Variants in RCOR1 observed in about 807,000 individuals in gnomAD.
RCOR1 encodes REST corepressor 1, also known as REST corepressor.
Under a neutral mutation model 64.0 loss-of-function variants are expected in RCOR1, and 12 were observed. The observed-to-expected ratio is 0.19, with a 90% CI of 0.12 to 0.30. RCOR1 has a LOEUF of 0.30. RCOR1 is among the 10% of genes least tolerant of loss of function. The pLI is 1.00. For missense variants in RCOR1, 502 were observed against 621.2 expected (o/e 0.81, Z 2.04); for synonymous variants, 279 against 227.2 (o/e 1.23, Z -2.05).
At position 102,592,984 on chromosome 14, in the gene RCOR1, C is replaced by G; in HGVS notation, c.98C>G (p.Ala33Gly). 8.7e-7 allele frequency: 1 copy of G among 1,151,912 alleles called. No individual in the cohort carries two copies. Among genetic ancestry groups the G allele is most frequent in the Non-Finnish European group, 1.1e-6 (1 of 938,146 alleles). The allele number at this position is 1,151,912 out of a possible 1,614,324, so 71.4% of individuals were successfully genotyped here. A position where few individuals can be genotyped will look rare whatever the true frequency, so the allele number is the denominator to read the frequency against. ...ASASAAAASA[A>G]ASAACASPAA... ...GCCTCCGCCGCCGCCGCCTCCGCCGCCGCCTCGGCCGCCTGCGCCTCGCCA... is the reference window on the plus strand; with the variant it reads ...GCCTCCGCCGCCGCCGCCTCCGCCGGCGCCTCGGCCGCCTGCGCCTCGCCA... The change falls in exon 1 of 12, where the codon GCC (alanine) becomes GGC (glycine). Residue 33 changes from alanine (A) to glycine (G), a missense_variant. This residue lies in a region of RCOR1 where 242 missense variants were observed against 204.9 expected (regional missense o/e 1.18). Coordinates refer to ENST00000262241, the MANE Select transcript of RCOR1 (RefSeq NM_015156.4).
intron 2 of RCOR1, among the ~76,000 whole-genome samples, chr14:102,600,568 ATTTTT>A (rs750778582): frequency 7.9e-6 from 1 of 127,010 alleles, no homozygotes. Context: ...TGCCCAGCTA[ATTTTT>A]TTTTTTTTTT....
chr14:102,715,000 A>G (rs1896041611), intron 8 of RCOR1, among the ~76,000 whole-genome samples: 1 of 151,954 alleles, frequency 6.6e-6, no homozygotes, highest in Non-Finnish European at 1.5e-5. Context: ...ATTCCATGGA[A>G]TGTTGCATTC....
chr14:102,602,246 T>C (rs2139880987), intron 2 of RCOR1, among the ~76,000 whole-genome samples: 1 of 152,294 alleles, frequency 6.6e-6, no homozygotes, highest in South Asian at 2.1e-4. Flanking sequence ...TGTACTTTTA[T>C]GCTTTCCAAA....
chr14:102,723,010 T>G (rs964691573), intron 11 of RCOR1, among the ~76,000 whole-genome samples: 5 of 152,214 alleles, frequency 3.3e-5, no homozygotes, highest in Non-Finnish European at 5.9e-5. Flanking sequence ...GTCACCTCCC[T>G]GCTTCCTGTG....
At chr14:102,672,049 T>C (rs957010184) in intron 2 of RCOR1, among the ~76,000 whole-genome samples, 1 of 152,254 alleles carries the variant, frequency 6.6e-6, no homozygotes, top group Non-Finnish European at 1.5e-5. Flanking sequence ...CATATAGACA[T>C]ACTGCATTTT....
chr14:102,702,602 T>A (rs1483951459), intron 4 of RCOR1, among the ~76,000 whole-genome samples: 1 of 152,178 alleles, frequency 6.6e-6, no homozygotes, highest in Admixed American at 6.5e-5. Context: ...GCACAGATCC[T>A]AGAACTATGC....
At chr14:102,710,651 A>C (rs1895937731) in intron 6 of RCOR1, 3 of 316,104 alleles carry the variant, frequency 9.5e-6, no homozygotes, top group African/African-American at 6.6e-5. Context: ...TTTTCAGTTT[A>C]CAGATATAGA....
chr14:102,616,884 C>G (rs1893772623), intron 2 of RCOR1, among the ~76,000 whole-genome samples: 2 of 152,154 alleles, frequency 1.3e-5, no homozygotes, highest in South Asian at 2.1e-4. Flanking sequence ...GTCCCTCTCC[C>G]CTCCTTGGAG....
At chr14:102,595,006 G>T (rs1357523571) in intron 2 of RCOR1, among the ~76,000 whole-genome samples, 1 of 152,148 alleles carries the variant, frequency 6.6e-6, no homozygotes, top group African/African-American at 2.4e-5. Flanking sequence ...CTAAGGAAAA[G>T]GGCATATTTG....
At chr14:102,678,431 C>T (rs1218150029) in intron 2 of RCOR1, among the ~76,000 whole-genome samples, 1 of 152,142 alleles carries the variant, frequency 6.6e-6, no homozygotes, top group Non-Finnish European at 1.5e-5. Context: ...TCCTGAGTAG[C>T]TGGGTCTGCA....
Position 102,726,822 on chromosome 14 carries a change from C to A in RCOR1, c.*316C>A. 1 of 346,306 alleles carries A rather than the reference C, an allele frequency of 2.9e-6. No individual in the cohort carries two copies. The allele number at this position is 346,306 out of a possible 1,614,324, so 21.5% of individuals were successfully genotyped here. A position where few individuals can be genotyped will look rare whatever the true frequency, so the allele number is the denominator to read the frequency against. On this transcript the variant is annotated 3_prime_UTR_variant, in exon 12 of 12. Coordinates refer to ENST00000262241, the MANE Select transcript of RCOR1 (RefSeq NM_015156.4). ...AGCCCCCGAGCCCCACCAATGGCAGCTCTTCCCAGTCAGCAGCTTCAGAGC... is the reference window on the plus strand; with the variant it reads ...AGCCCCCGAGCCCCACCAATGGCAGATCTTCCCAGTCAGCAGCTTCAGAGC...
chr14:102,601,740 G>A (rs537389293), intron 2 of RCOR1, among the ~76,000 whole-genome samples: 1 of 152,328 alleles, frequency 6.6e-6, no homozygotes, highest in African/African-American at 2.4e-5. Context: ...GCAGCCTAGA[G>A]TAGCCTAGCC....
At chr14:102,689,799 A>G (rs894270450) in intron 3 of RCOR1, among the ~76,000 whole-genome samples, 4 of 152,214 alleles carry the variant, frequency 2.6e-5, no homozygotes, top group Admixed American at 6.5e-5. Context: ...GCTAGAGTGC[A>G]GTGGCGCAAT....
chr14:102,620,763 A>G (rs1175852675), intron 2 of RCOR1, among the ~76,000 whole-genome samples: 3 of 152,042 alleles, frequency 2.0e-5, no homozygotes, highest in South Asian at 2.1e-4. Context: ...GTGGCTTACA[A>G]CCTTCCAGTG....
rs1353220062 is a variant in RCOR1 at position 102,662,347 on chromosome 14, C to T, written c.362-19548C>T. On this transcript the variant is annotated intron_variant, in intron 2 of 11. Transcript: ENST00000262241. ...GGCCGAATCAGGGTGTTGACCGGGC[C>T]ACATCAATGTCATAGAGCTTCTTCA... The T allele has an allele frequency of 7.1e-6, 4 of 567,104 alleles. No homozygotes were observed. In the Admixed American group the frequency reaches 7.6e-5, roughly 11 times the overall value. The allele number at this position is 567,104 out of a possible 1,614,324, so 35.1% of individuals were successfully genotyped here.
chr14:102,715,840 G>A (rs1896059220), intron 8 of RCOR1, among the ~76,000 whole-genome samples: 1 of 152,126 alleles, frequency 6.6e-6, no homozygotes, highest in Non-Finnish European at 1.5e-5. Context: ...TGTGCGTTTT[G>A]TTTGCACATC....
intron 2 of RCOR1, among the ~76,000 whole-genome samples, chr14:102,600,253 A>G (rs1260800797): frequency 6.6e-6 from 1 of 150,800 alleles, no homozygotes; most frequent in Non-Finnish European, 1.5e-5. Context: ...ACGCCCGGCT[A>G]ATTTTTTATA....
At chr14:102,605,972 C>G (rs1437392941) in intron 2 of RCOR1, among the ~76,000 whole-genome samples, 2 of 152,168 alleles carry the variant, frequency 1.3e-5, no homozygotes, top group Non-Finnish European at 2.9e-5. Context: ...GTTGCACAGG[C>G]TGGAGTCCAG....
intron 3 of RCOR1, among the ~76,000 whole-genome samples, chr14:102,685,825 C>G (rs553829956): frequency 1.3e-5 from 2 of 151,938 alleles, no homozygotes; most frequent in African/African-American, 4.8e-5. Context: ...TAGCTGGGTG[C>G]GTGGCATGTG....
Sources: gnomAD v4.1 joint callset for allele counts (sites outside exome capture counted in the v4.1 genomes callset) on GRCh38, gnomAD v4.1.1 for gene constraint, gnomAD v4.1.1 regional missense constraint, MANE v1.5 for transcripts, NCBI Gene and HGNC (gene_info 2026-07-23, HGNC 2026-07-21) for gene names.